The following NFIA variants were observed in gnomAD, a reference collection of about 807,000 sequenced individuals.
The protein encoded by NFIA is nuclear factor 1 A-type.
In NFIA, 8 loss-of-function variants were observed where a neutral mutation model predicts 62.8. The observed-to-expected ratio is 0.13, with a 90% CI of 0.07 to 0.23. The LOEUF is 0.23. NFIA is among the 10% of genes least tolerant of loss of function. The probability of loss-of-function intolerance (pLI) is 1.00; values close to 1 mark genes in which losing one functional copy is unlikely to be tolerated. For missense variants in NFIA, 410 were observed against 642.1 expected, an observed-to-expected ratio of 0.64 and a Z score of 3.91; for synonymous variants, 235 against 238.1, an observed-to-expected ratio of 0.99 and a Z score of 0.12.
chr1:61,389,308 G>A (rs1557750736), intron 7 of NFIA, among the ~76,000 whole-genome samples: 1 of 152,152 alleles, frequency 6.6e-6, no homozygotes, highest in Non-Finnish European at 1.5e-5. Context: ...AAAAGGACCT[G>A]TCAGCTTATC....
chr1:61,112,771 T>C (rs1042605560), intron 2 of NFIA, among the ~76,000 whole-genome samples: 1 of 152,228 alleles, frequency 6.6e-6, no homozygotes. Flanking sequence ...GTTTTCATAC[T>C]AACCCACAAA....
chr1:61,332,847 T>C (rs1197331155), intron 4 of NFIA, among the ~76,000 whole-genome samples: 1 of 152,154 alleles, frequency 6.6e-6, no homozygotes, highest in Non-Finnish European at 1.5e-5. Flanking sequence ...TCTAAGAAAT[T>C]CTGCATTTTA....
At chr1:61,268,417 C>A (rs1246402546) in intron 2 of NFIA, among the ~76,000 whole-genome samples, 1 of 151,720 alleles carries the variant, frequency 6.6e-6, no homozygotes, top group Non-Finnish European at 1.5e-5. Context: ...CCTGCCCCCA[C>A]CCCCCGACAC....
intron 2 of NFIA, among the ~76,000 whole-genome samples, chr1:61,252,878 C>G (rs1409012419): frequency 6.6e-6 from 1 of 152,130 alleles, no homozygotes; most frequent in Non-Finnish European, 1.5e-5. Context: ...AAGGTAACTT[C>G]TATTCTATTT....
chr1:61,081,770 C>T (rs1442569907), upstream of NFIA: 2 of 1,173,286 alleles, frequency 1.7e-6, no homozygotes, highest in East Asian at 5.3e-5. Context: ...CTGAATGCCA[C>T]AGGACCGAAG....
At chr1:61,430,959 CTG>C (rs1199646244) in intron 10 of NFIA, among the ~76,000 whole-genome samples, 1 of 152,162 alleles carries the variant, frequency 6.6e-6, no homozygotes, top group Non-Finnish European at 1.5e-5. Flanking sequence ...TACTGAGAAA[CTG>C]TGGCCACTTG....
intron 2 of NFIA, among the ~76,000 whole-genome samples, chr1:61,234,740 A>C (rs1039656224): frequency 1.6e-4 from 24 of 152,162 alleles, no homozygotes; most frequent in African/African-American, 5.3e-4. Context: ...GTGCTGCTTT[A>C]ATGGTCTGAG....
intron 2 of NFIA, among the ~76,000 whole-genome samples, chr1:61,239,114 C>G (rs1000495558): frequency 6.6e-6 from 1 of 152,106 alleles, no homozygotes; most frequent in Non-Finnish European, 1.5e-5. Context: ...ATATCCTGTT[C>G]AGGATTTCTC....
At position 61,235,719 on chromosome 1, in the gene NFIA, G is replaced by A. The variant is rs1254386547; in HGVS notation, c.560-41801G>A. On this transcript the variant is annotated intron_variant, in intron 2 of 10. Coordinates refer to ENST00000403491, the MANE Select transcript of NFIA (RefSeq NM_001134673.4). ...TCCTAGCTACTTGGGAGGCTGAGGT[G>A]GGAGGATCGCTTGAACCTGGGAAGT... 6.7e-5 allele frequency among the ~76,000 whole-genome samples: 10 copies of A among 150,196 alleles called. No individual in the cohort carries two copies. The East Asian group carries it at 1.2e-3, about 18-fold the overall frequency.
chr1:61,461,073 A>G lies in NFIA; in HGVS notation c.*5753A>G, dbSNP rs1668510854. 6.6e-6 allele frequency: 1 copy of G among 152,110 alleles called. No homozygotes were observed. The highest frequency in any genetic ancestry group is 6.5e-5 in the Admixed American group (1 of 15,274). The allele number at this position is 152,110 out of a possible 1,614,324, so 9.4% of individuals were successfully genotyped here. A position where few individuals can be genotyped will look rare whatever the true frequency, so the allele number is the denominator to read the frequency against. On this transcript the variant is annotated 3_prime_UTR_variant, in exon 11 of 11. Coordinates refer to ENST00000403491, the MANE Select transcript of NFIA (RefSeq NM_001134673.4). ...TGGGTGTTTGATTTCAGAAATCAGT[A>G]CCTGGCGAGATTTTTGTCTCAAAAC...
rs187882727 is a variant in NFIA at position 61,115,275 on chromosome 1, C to A, written c.559+26595C>A. ...GGATTACAGGTGTGAGCTACTGCACCCAGCCGCAAATATATATTGATAACT... is the reference window on the plus strand; with the variant it reads ...GGATTACAGGTGTGAGCTACTGCACACAGCCGCAAATATATATTGATAACT... On this transcript the variant is annotated intron_variant, in intron 2 of 10. Coordinates refer to ENST00000403491, the MANE Select transcript of NFIA (RefSeq NM_001134673.4). 2.0e-5 allele frequency among the ~76,000 whole-genome samples: 3 copies of A among 152,264 alleles called. No individual in the cohort carries two copies. In the East Asian group the frequency reaches 5.8e-4, roughly 29 times the overall value.
At chr1:61,172,580 G>A (rs1164529251) in intron 2 of NFIA, among the ~76,000 whole-genome samples, 1 of 152,200 alleles carries the variant, frequency 6.6e-6, no homozygotes, top group Non-Finnish European at 1.5e-5. Context: ...AAAACAAGCA[G>A]ACACCTCCTT....
chr1:61,339,476 T>C (rs1570603962), intron 4 of NFIA, among the ~76,000 whole-genome samples: 1 of 152,284 alleles, frequency 6.6e-6, no homozygotes, highest in Admixed American at 6.5e-5. Flanking sequence ...CTAGTTTTAA[T>C]CAACCCCTCA....
intron 3 of NFIA, among the ~76,000 whole-genome samples, chr1:61,309,975 T>G (rs930576580): frequency 5.3e-5 from 8 of 152,376 alleles, no homozygotes; most frequent in Admixed American, 2.0e-4. Context: ...AAGCAGTTGC[T>G]TCTCTTTTAA....
At chr1:61,344,208 C>T (rs1340782153) in intron 4 of NFIA, among the ~76,000 whole-genome samples, 7 of 152,164 alleles carry the variant, frequency 4.6e-5, no homozygotes, top group Non-Finnish European at 1.0e-4. Flanking sequence ...CTTGAGTTTT[C>T]ATAGCATTGT....
upstream of NFIA, among the ~76,000 whole-genome samples, chr1:61,078,981 G>T (rs185327841): frequency 3.9e-5 from 6 of 152,310 alleles, no homozygotes; most frequent in Admixed American, 3.9e-4. Context: ...ACCCAATTCT[G>T]TTGGGAAGTG....
At chr1:61,393,286 T>TCTCC (rs1557753791) in intron 7 of NFIA, among the ~76,000 whole-genome samples, 19 of 48,316 alleles carry the variant, frequency 3.9e-4, no homozygotes, top group Admixed American at 7.2e-4. Context: ...TCTCTCTCTC[T>TCTCC]CTCTCCCTCT....
At chr1:61,203,396 T>C (rs955167381) in intron 2 of NFIA, among the ~76,000 whole-genome samples, 22 of 152,162 alleles carry the variant, frequency 1.4e-4, no homozygotes, top group Admixed American at 9.2e-4. Context: ...ACGGGATGGC[T>C]CACCACCCTC....
chr1:61,113,262 ACTT>A (rs1420182179), intron 2 of NFIA, among the ~76,000 whole-genome samples: 1 of 151,712 alleles, frequency 6.6e-6, no homozygotes, highest in Non-Finnish European at 1.5e-5. Flanking sequence ...TATGAAACAT[ACTT>A]CTTCTTAGGG....
Sources: allele counts gnomAD v4.1 joint callset (sites outside exome capture counted in the v4.1 genomes callset), GRCh38; gene constraint gnomAD v4.1.1; transcripts MANE v1.5; gene names NCBI Gene and HGNC (gene_info 2026-07-23, HGNC 2026-07-21).